DTNA: variants seen among roughly 807,000 people sequenced by gnomAD.
DTNA encodes the protein dystrophin-related protein 3.
Under a neutral mutation model 100.7 loss-of-function variants are expected in DTNA, and 43 were observed. That is an observed-to-expected ratio of 0.43 (90% CI 0.33 to 0.55). DTNA has a LOEUF of 0.55. DTNA is among the 20% of genes least tolerant of loss of function. The pLI, the probability that DTNA is intolerant of heterozygous loss-of-function variation, is 0.04. For synonymous variants in DTNA, 349 were observed against 347.9 expected, an observed-to-expected ratio of 1.00 and a Z score of -0.04; for missense variants, 798 against 953.9, an observed-to-expected ratio of 0.84 and a Z score of 2.15.
At chr18:34,553,908 T>G (rs2045735277) in intron 1 of DTNA, among the ~76,000 whole-genome samples, 1 of 151,602 alleles carries the variant, frequency 6.6e-6, no homozygotes, top group Non-Finnish European at 1.5e-5. Flanking sequence ...TTTCCAATTC[T>G]GTGAAGAAAG....
intron 1 of DTNA, among the ~76,000 whole-genome samples, chr18:34,606,259 A>G (rs1337811252): frequency 6.6e-6 from 1 of 152,180 alleles, no homozygotes; most frequent in Non-Finnish European, 1.5e-5. Context: ...CAGTATAGCA[A>G]ATTTATATCT....
chr18:34,496,183 T>C (rs2039178613), intron 1 of DTNA, among the ~76,000 whole-genome samples: 1 of 143,626 alleles, frequency 7.0e-6, no homozygotes, highest in Non-Finnish European at 1.5e-5. Flanking sequence ...GGCTCTTCAG[T>C]GGTTAACCAT....
At chr18:34,753,387 TTTA>T (rs1209011939) in intron 1 of DTNA, among the ~76,000 whole-genome samples, 37 of 9,238 alleles carry the variant, frequency 4.0e-3, no homozygotes, top group Non-Finnish European at 5.8e-3. Flanking sequence ...TTTTTTATTT[TTTA>T]TTTTTTTTTT....
Position 34,556,091 on chromosome 18 carries a change from T to C in DTNA, c.-2+62577T>C, listed in dbSNP as rs868390943. Among the ~76,000 whole-genome samples, 714 of 151,588 alleles carry C rather than the reference T, an allele frequency of 4.7e-3. 7 individuals are homozygous for C. Among genetic ancestry groups the C allele is most frequent in the Middle Eastern group, 0.01 (3 of 294 alleles). ...CATATATATTTAGGATAGTTAGCTC[T>C]TCTTGTTGAATTGATCCCTTTACCA... On this transcript the variant is annotated intron_variant, in intron 1 of 19. Coordinates refer to the DTNA transcript ENST00000283365.
At chr18:34,850,313 A>C (rs770761218) in intron 14 of DTNA, among the ~76,000 whole-genome samples, 13 of 152,208 alleles carry the variant, frequency 8.5e-5, no homozygotes, top group African/African-American at 1.2e-4. Context: ...CAATACATAA[A>C]GTATATGCCA....
intron 7 of DTNA, among the ~76,000 whole-genome samples, chr18:34,816,325 A>G (rs576203385): frequency 3.8e-4 from 58 of 152,330 alleles, no homozygotes; most frequent in African/African-American, 1.3e-3. Context: ...TATTTGTTTT[A>G]GATCCGAATT....
chr18:34,737,662 C>A (rs770654062), intron 1 of DTNA: 1 of 152,222 alleles, frequency 6.6e-6, no homozygotes, highest in Non-Finnish European at 1.5e-5. Flanking sequence ...TCCGATTCAT[C>A]CTGTGTGTTT....
At chr18:34,770,615 A>C (rs2093715276) in intron 3 of DTNA, among the ~76,000 whole-genome samples, 1 of 152,142 alleles carries the variant, frequency 6.6e-6, no homozygotes, top group African/African-American at 2.4e-5. Context: ...AGGACTCTGA[A>C]CAAGAGGCCA....
chr18:34,821,002 G>A lies in DTNA; in HGVS notation c.1001+87G>A, dbSNP rs1331078992. Reference sequence around the variant, plus strand: ...ACACAAAAGCAATTTCCTATCAGTGGTCAGCAACCAAGATTTTTAATTTAG... The same window carrying A: ...ACACAAAAGCAATTTCCTATCAGTGATCAGCAACCAAGATTTTTAATTTAG... On this transcript the variant is annotated intron_variant, in intron 9 of 22. Coordinates refer to ENST00000444659, the MANE Select transcript of DTNA (RefSeq NM_001386795.1). 7.6e-6 allele frequency: 12 copies of A among 1,579,978 alleles called. No homozygotes were observed. The East Asian group carries it at 2.7e-4, about 35-fold the overall frequency.
In DTNA at chr18:34,889,660, C is replaced by T. The variant is rs747135990; in HGVS notation, c.*1926C>T. The T allele has an allele frequency of 3.0e-5, 30 of 985,602 alleles. No homozygotes were observed. The highest frequency in any genetic ancestry group is 6.2e-5 in the Admixed American group (1 of 16,258). The allele number at this position is 985,602 out of a possible 1,614,324, so 61.1% of individuals were successfully genotyped here. ...GGTCAGACATCATCTCCTTGGCTGC[C>T]CTTTGAAACCAAATCACTTGCCTTG... is the stretch of plus-strand genomic sequence containing the variant. On this transcript the variant is annotated 3_prime_UTR_variant, in exon 23 of 23. Transcript: ENST00000444659.
chr18:34,710,999 T>C (rs1366240978), intron 1 of DTNA, among the ~76,000 whole-genome samples: 1 of 152,190 alleles, frequency 6.6e-6, no homozygotes, highest in Non-Finnish European at 1.5e-5. Context: ...CGGTTTTATC[T>C]ATATTTTTTA....
At chr18:34,711,121 T>G (rs2082821997) in intron 1 of DTNA, among the ~76,000 whole-genome samples, 1 of 152,136 alleles carries the variant, frequency 6.6e-6, no homozygotes, top group Non-Finnish European at 1.5e-5. Context: ...CAAAATGAAC[T>G]CTTTTGCTTA....
intron 1 of DTNA, among the ~76,000 whole-genome samples, chr18:34,547,727 T>G (rs1169221748): frequency 6.6e-6 from 1 of 152,134 alleles, no homozygotes; most frequent in Non-Finnish European, 1.5e-5. Flanking sequence ...CAAGGACAAA[T>G]TCAACATTTG....
intron 1 of DTNA, among the ~76,000 whole-genome samples, chr18:34,691,147 T>C (rs1284125824): frequency 6.6e-6 from 1 of 152,218 alleles, no homozygotes; most frequent in African/African-American, 2.4e-5. Flanking sequence ...TGTCACGTCA[T>C]ATAGCACACC....
At chr18:34,555,199 T>C (rs1227394564) in intron 1 of DTNA, among the ~76,000 whole-genome samples, 1 of 141,534 alleles carries the variant, frequency 7.1e-6, no homozygotes, top group East Asian at 2.0e-4. Context: ...GTAGTTTGTA[T>C]TTCTGTGGGA....
chr18:34,498,592 G>A (rs985057741), intron 1 of DTNA, among the ~76,000 whole-genome samples: 7 of 151,834 alleles, frequency 4.6e-5, no homozygotes, highest in Non-Finnish European at 1.0e-4. Flanking sequence ...AATAATAAAA[G>A]CAATGATTTA....
At chr18:34,798,645 A>G (rs1006842834) in intron 4 of DTNA, among the ~76,000 whole-genome samples, 2 of 152,228 alleles carry the variant, frequency 1.3e-5, no homozygotes, top group African/African-American at 4.8e-5. Flanking sequence ...ATTATCATAT[A>G]TACTCAGTCA....
intron 1 of DTNA, among the ~76,000 whole-genome samples, chr18:34,597,432 C>T (rs1369974192): frequency 1.3e-5 from 2 of 152,124 alleles, no homozygotes; most frequent in Non-Finnish European, 2.9e-5. Flanking sequence ...ATTATATGGT[C>T]TTCCAGTTGT....
chr18:34,725,654 T>C (rs1049190979), intron 1 of DTNA, among the ~76,000 whole-genome samples: 9 of 152,238 alleles, frequency 5.9e-5, no homozygotes, highest in African/African-American at 2.2e-4. Context: ...TTGGTGGGAC[T>C]GTAAATTAGT....
Sources: allele counts gnomAD v4.1 joint callset (sites outside exome capture counted in the v4.1 genomes callset), GRCh38; gene constraint gnomAD v4.1.1; transcripts MANE v1.5; gene names NCBI Gene and HGNC (gene_info 2026-07-23, HGNC 2026-07-21).